Variants in APC2 observed in about 807,000 individuals in gnomAD.
APC2 encodes the protein adenomatous polyposis coli protein 2.
In APC2, 41 loss-of-function variants were observed where a neutral mutation model predicts 72.5. That is an observed-to-expected ratio of 0.57 (90% confidence interval 0.44 to 0.73). APC2 has a LOEUF of 0.73. Ranked by LOEUF, APC2 falls within the 30% of genes least tolerant of loss-of-function variation. The pLI is 0.00. For synonymous variants in APC2, 1,898 were observed against 1,612.0 expected (o/e 1.18, Z -4.25); for missense variants, 3,729 against 3,403.4 (o/e 1.10, Z -2.38).
upstream of APC2, among the ~76,000 whole-genome samples, chr19:1,448,491 A>T (rs2083706610): frequency 1.3e-5 from 2 of 149,458 alleles, no homozygotes; most frequent in South Asian, 4.3e-4. Context: ...GGTTGCGGTG[A>T]GCCGAGATGG....
Position 1,467,961 on chromosome 19 carries a change from G to C in APC2, c.4660G>C (p.Ala1554Pro), listed in dbSNP as rs765175644. 3.2e-6 allele frequency: 5 copies of C among 1,580,988 alleles called. No homozygotes were observed. The Admixed American group carries it at 8.5e-5, about 27-fold the overall frequency. The change falls in exon 15 of 15, where the codon GCT becomes CCT. Residue 1554 changes from alanine (A) to proline (P), a missense_variant. By Grantham distance (27) the Ala-to-Pro change is conservative. Transcript: ENST00000590469. Reference protein sequence around the residue: ...GRKEAPAPSKAAPAAPPPART... With the variant: ...GRKEAPAPSKPAPAAPPPART... ...GAAGGAGGCCCCTGCCCCGTCCAAG[G>C]CTGCACCAGCTGCCCCGCCGCCCGC...
intron 11 of APC2, 131 bp from the exon 12 acceptor site, chr19:1,460,649 G>A (rs1031035535): frequency 7.6e-5 from 78 of 1,019,758 alleles, no homozygotes; most frequent in South Asian, 1.8e-4. Context: ...TGGGGTAACC[G>A]TCCCCGGTAG....
rs975741232 is a variant in APC2, at chr19:1,468,610, G to A, written c.5309G>A (p.Gly1770Asp). ...AGCGGGAGCCCCCGTTCCCCTGCAG[G>A]CCCCGAGAAGCCACGTGGCACACAG... is the stretch of plus-strand genomic sequence containing the variant. Reference protein sequence around the residue: ...KTSGSPRSPAGPEKPRGTQKT... With the variant: ...KTSGSPRSPADPEKPRGTQKT... The change falls in exon 15 of 15, where the codon GGC becomes GAC. Residue 1770 changes from glycine to aspartate, a missense_variant. By Grantham distance (94) the Gly-to-Asp change is moderately conservative. Transcript: ENST00000590469. 1.2e-6 allele frequency: 2 copies of A among 1,601,150 alleles called. No homozygotes were observed. Among genetic ancestry groups the A allele is most frequent in the Non-Finnish European group, 1.7e-6 (2 of 1,172,582 alleles).
intron 10 of APC2, among the ~76,000 whole-genome samples, chr19:1,458,832 C>G (rs1046115560): frequency 6.6e-6 from 1 of 151,926 alleles, no homozygotes; most frequent in Non-Finnish European, 1.5e-5. Context: ...TACAGGTGCC[C>G]GCCCCCACAC....
Position 1,465,373 on chromosome 19 carries a change from T to C in APC2, c.2072T>C (p.Leu691Pro). ...ATCGCCATGGGCAGCGCCGCCGCCC[T>C]GCGCAACCTGCTGGCCCATCGGCCC... ...KMIAMGSAAA[L>P]RNLLAHRPAK... The change falls in exon 15 of 15, where the codon CTG (leucine) becomes CCG (proline). Residue 691 changes from leucine (L) to proline (P), a missense_variant. Leu to Pro is a moderately conservative substitution (Grantham distance 98, BLOSUM62 -3). Transcript: ENST00000590469. 1 of 1,580,108 alleles carries C rather than the reference T, an allele frequency of 6.3e-7. No individual in the cohort carries two copies. The highest frequency in any genetic ancestry group is 2.3e-5 in the East Asian group (1 of 43,986).
At position 1,457,223 on chromosome 19, in the gene APC2, A is replaced by T; in HGVS notation, c.1187A>T (p.Glu396Val). 7 of 1,539,580 alleles carry T rather than the reference A, an allele frequency of 4.5e-6. No individual in the cohort carries two copies. Among genetic ancestry groups the T allele is most frequent in the Non-Finnish European group, 6.1e-6 (7 of 1,145,880 alleles). The change falls in exon 9 of 15, where the codon GAG (glutamate) becomes GTG (valine). Residue 396 changes from glutamate to valine, a missense_variant. Glu to Val is a moderately radical substitution (Grantham distance 121). Transcript: ENST00000590469. ...DWLQARDGGP[E>V]GGGAGSAPIP... ...CTGCAGGCCCGAGACGGCGGGCCCG[A>T]GGGAGGTGGCGCCGGCAGCGGTGAG...
rs746177791 is a variant in APC2, at chr19:1,468,673, G to A, written c.5372G>A (p.Arg1791Gln). 4 of 1,575,524 alleles carry A rather than the reference G, an allele frequency of 2.5e-6. No individual in the cohort carries two copies. The highest frequency in any genetic ancestry group is 1.7e-4 in the Middle Eastern group (1 of 6,012). ...GGGGTGCCAGCTGTGCTCCGGGGAC[G>A]AACAGTGATCTACGTCCCCAGCCCG... ...TPGVPAVLRG[R>Q]TVIYVPSPAP... is the part of the protein sequence containing the mutation. Residue 1791 changes from arginine (R) to glutamine (Q), a missense_variant, in exon 15 of 15, where the codon CGA becomes CAA. Coordinates refer to ENST00000590469, the MANE Select transcript of APC2 (RefSeq NM_005883.3).
chr19:1,469,601 G>C lies in APC2; in HGVS notation c.6300G>C (p.Ala2100=). Residue 2100 remains alanine (A), a synonymous_variant, in exon 15 of 15, where the codon GCG becomes GCC. Coordinates refer to ENST00000590469, the MANE Select transcript of APC2 (RefSeq NM_005883.3). ...GGCCGGAGACTGTCAAGCGCTACGCGTCGCTGCCGCACATCAGCGTGGCCC... is the reference window on the plus strand; with the variant it reads ...GGCCGGAGACTGTCAAGCGCTACGCCTCGCTGCCGCACATCAGCGTGGCCC... The part of the protein sequence containing the change: ...AARPETVKRY[A]SLPHISVARR... 7.9e-7 allele frequency: 1 copy of C among 1,258,528 alleles called. No homozygotes were observed. Among genetic ancestry groups the C allele is most frequent in the Non-Finnish European group, 1.0e-6 (1 of 992,044 alleles). 78.0% of individuals were successfully genotyped at this position (1,258,528 alleles called of 1,614,324 possible). A position where few individuals can be genotyped will look rare whatever the true frequency, so the allele number is the denominator to read the frequency against.
Position 1,469,678 on chromosome 19 carries a change from G to T in APC2, c.6377G>T (p.Arg2126Leu). ...PAAPASADAA[R>L]RSSDGEPRPL... Reference sequence around the variant, plus strand: ...GCCCCTGCCTCAGCCGACGCCGCGCGCCGCAGCAGCGACGGGGAGCCCCGG... The same window carrying T: ...GCCCCTGCCTCAGCCGACGCCGCGCTCCGCAGCAGCGACGGGGAGCCCCGG... Residue 2126 changes from arginine (R) to leucine (L), a missense_variant, in exon 15 of 15, where the codon CGC becomes CTC. Arg to Leu is a moderately radical substitution (Grantham distance 102, BLOSUM62 -2). Transcript: ENST00000590469. 1 of 1,275,902 alleles carries T rather than the reference G, an allele frequency of 7.8e-7. No individual in the cohort carries two copies. Among genetic ancestry groups the T allele is most frequent in the Non-Finnish European group, 9.8e-7 (1 of 1,017,444 alleles). The allele number at this position is 1,275,902 out of a possible 1,614,324, so 79.0% of individuals were successfully genotyped here.
intron 1 of APC2, among the ~76,000 whole-genome samples, chr19:1,450,629 G>A (rs2083732150): frequency 6.6e-6 from 1 of 152,220 alleles, no homozygotes; most frequent in African/African-American, 2.4e-5. Flanking sequence ...ACCTCTCTGG[G>A]TGTCAGTTTC....
Position 1,467,482 on chromosome 19 carries a change from A to G in APC2, c.4181A>G (p.Glu1394Gly). The G allele has an allele frequency of 6.9e-7, 1 of 1,453,108 alleles. No individual in the cohort carries two copies. Among genetic ancestry groups the G allele is most frequent in the East Asian group, 2.8e-5 (1 of 35,688 alleles). 90.0% of individuals were successfully genotyped at this position (1,453,108 alleles called of 1,614,324 possible). ...QEDDSCTDSA[E>G]GTPVNFSSAA... The stretch of plus-strand genomic sequence containing the variant: ...GACGACTCCTGCACTGACTCCGCGG[A>G]GGGCACGCCGGTCAACTTCTCTAGC... Residue 1394 changes from glutamate (E) to glycine (G), a missense_variant, in exon 15 of 15, where the codon GAG becomes GGG. Transcript: ENST00000590469.
intron 6 of APC2, 47 bp from the exon 7 acceptor site, chr19:1,456,028 CG>C: frequency 1.4e-6 from 2 of 1,474,662 alleles, no homozygotes. Flanking sequence ...GGGTCAGAGC[CG>C]GGGGCGGGGT....
chr19:1,464,805 G>T (rs2083980233), intron 14 of APC2, among the ~76,000 whole-genome samples: 1 of 151,288 alleles, frequency 6.6e-6, no homozygotes, highest in South Asian at 2.1e-4. Flanking sequence ...GCTAATTTTT[G>T]TATTTTTAAG....
At chr19:1,463,949 C>T (rs1325626081) in intron 14 of APC2, among the ~76,000 whole-genome samples, 12 of 150,022 alleles carry the variant, frequency 8.0e-5, no homozygotes, top group South Asian at 6.4e-4. Context: ...CCGAGGTGGG[C>T]GGATCACCTG....
chr19:1,457,746 G>A, intron 9 of APC2: 1 of 598,388 alleles, frequency 1.7e-6, no homozygotes, highest in Non-Finnish European at 3.0e-6. Flanking sequence ...AAGGTGTGGT[G>A]CTCCAGGAAC....
chr19:1,463,949 C>G (rs1325626081), intron 14 of APC2, among the ~76,000 whole-genome samples: 1 of 150,034 alleles, frequency 6.7e-6, no homozygotes. Context: ...CCGAGGTGGG[C>G]GGATCACCTG....
chr19:1,466,427 G>A lies in APC2; in HGVS notation c.3126G>A (p.Lys1042=), dbSNP rs779603093. 4.4e-6 allele frequency: 7 copies of A among 1,597,280 alleles called. No homozygotes were observed. The African/African-American group carries it at 6.7e-5, about 15-fold the overall frequency. Residue 1042 remains lysine, a synonymous_variant, in exon 15 of 15, where the codon AAG becomes AAA. Transcript: ENST00000590469. ...ACCACCTGAGCAAGGTTCCCGAGAA[G>A]CTGGCGGCTGCCCCGCTGTCTGTGG... ...PADHLSKVPE[K]LAAAPLSVAS...
Position 1,461,023 on chromosome 19 carries a change from C to T in APC2, c.1522-14C>T, listed in dbSNP as rs1294463907. 6.2e-6 allele frequency: 10 copies of T among 1,613,576 alleles called. No individual in the cohort carries two copies. Among genetic ancestry groups the T allele is most frequent in the Non-Finnish European group, 7.6e-6 (9 of 1,179,754 alleles). On this transcript the variant is annotated splice_polypyrimidine_tract_variant and intron_variant, in intron 12 of 14. Transcript: ENST00000590469. ...GACCCTAGTCCCACCACACTTGCCC[C>T]TCACCCCACCCAGGTGGTGTCCAGC... is the stretch of plus-strand genomic sequence containing the variant.
Position 1,456,986 on chromosome 19 carries a change from T to C in APC2, c.950T>C (p.Leu317Pro), listed in dbSNP as rs2083840138. 1 of 1,536,496 alleles carries C rather than the reference T, an allele frequency of 6.5e-7. No individual in the cohort carries two copies. Among genetic ancestry groups the C allele is most frequent in the Non-Finnish European group, 8.7e-7 (1 of 1,147,296 alleles). Residue 317 changes from leucine to proline, a missense_variant, in exon 9 of 15, where the codon CTG becomes CCG. By Grantham distance (98) the Leu-to-Pro change is moderately conservative (BLOSUM62 -3). Coordinates refer to ENST00000590469, the MANE Select transcript of APC2 (RefSeq NM_005883.3). ...CGCCGCTCGGGCTGTCTGCCTCTGCTGCTGCAAATCCTCCACGGCACCGAG... is the reference window on the plus strand; with the variant it reads ...CGCCGCTCGGGCTGTCTGCCTCTGCCGCTGCAAATCCTCCACGGCACCGAG... ...AMRRSGCLPL[L>P]LQILHGTEAA...
Sources: gnomAD v4.1 joint callset for allele counts (sites outside exome capture counted in the v4.1 genomes callset) on GRCh38, gnomAD v4.1.1 for gene constraint, MANE v1.5 for transcripts, NCBI Gene and HGNC (gene_info 2026-07-23, HGNC 2026-07-21) for gene names.